ASIC2: variants seen among roughly 807,000 people sequenced by gnomAD.
ASIC2 encodes the protein acid-sensing ion channel 2.
Under a neutral mutation model 57.3 loss-of-function variants are expected in ASIC2, and 25 were observed. The ratio of observed to expected loss-of-function variants is 0.44; its 90% CI spans 0.32 to 0.61. The LOEUF (loss-of-function observed/expected upper bound fraction) is 0.61, where lower values mean the gene tolerates loss of function less well. Ranked by LOEUF, ASIC2 falls within the 20% of genes least tolerant of loss-of-function variation. The pLI, the probability that ASIC2 is intolerant of heterozygous loss-of-function variation, is 0.06. For synonymous variants in ASIC2, 319 were observed against 307.5 expected (o/e 1.04, Z -0.39); for missense variants, 641 against 738.1 (o/e 0.87, Z 1.52).
intron 1 of ASIC2, among the ~76,000 whole-genome samples, chr17:34,141,977 G>A (rs2142136843): frequency 6.6e-6 from 1 of 152,268 alleles, no homozygotes; most frequent in South Asian, 2.1e-4. Flanking sequence ...TGAGCTCCCA[G>A]GAGTTTGCAG....
chr17:33,456,565 A>C (rs1250437745), intron 1 of ASIC2, among the ~76,000 whole-genome samples: 2 of 152,218 alleles, frequency 1.3e-5, no homozygotes, highest in East Asian at 3.9e-4. Flanking sequence ...CTGGGTTTTC[A>C]TTGTGTGGAG....
In ASIC2 at chr17:33,536,466, A is replaced by G. The variant is rs140337536; in HGVS notation, c.556-424399T>C. On this transcript the variant is annotated intron_variant, in intron 1 of 9. Transcript: ENST00000359872. ...GGTATTTGCACTATGGAAATTGACA[A>G]ATGCTACAAAATAAGGTCACCCTGC... 2.2e-3 allele frequency among the ~76,000 whole-genome samples: 342 copies of G among 152,346 alleles called. 1 individual carries two copies. The highest frequency in any genetic ancestry group is 3.9e-3 in the Non-Finnish European group (268 of 68,034).
intron 1 of ASIC2, among the ~76,000 whole-genome samples, chr17:33,324,897 C>G (rs1322090041): frequency 2.0e-5 from 3 of 152,146 alleles, no homozygotes; most frequent in African/African-American, 7.2e-5. Flanking sequence ...AGAGAACCAC[C>G]CTGAAAAGAG....
At chr17:33,079,124 T>A (rs1208665513) in intron 3 of ASIC2, among the ~76,000 whole-genome samples, 2 of 152,214 alleles carry the variant, frequency 1.3e-5, no homozygotes, top group Non-Finnish European at 2.9e-5. Context: ...GTTCATTTCA[T>A]CCAATGCAAT....
intron 1 of ASIC2, among the ~76,000 whole-genome samples, chr17:33,562,275 A>C (rs1012510256): frequency 2.0e-5 from 3 of 151,884 alleles, no homozygotes; most frequent in Non-Finnish European, 4.4e-5. Context: ...TTCCCAATAC[A>C]GTAGAAGCTT....
Position 33,904,163 on chromosome 17 carries a change from CA to C in ASIC2, c.555+251814del, listed in dbSNP as rs769795292. ...GGGCAACAAGAGTGAAACTCCGTCT[CA>C]AAAAAAAAAAAAAAAAAAAAAAAGA... On this transcript the variant is annotated intron_variant, in intron 1 of 9. Coordinates refer to the ASIC2 transcript ENST00000359872. 4.8e-3 allele frequency among the ~76,000 whole-genome samples: 270 copies of C among 55,846 alleles called. 1 individual carries two copies. The highest frequency in any genetic ancestry group is 0.015 in the African/African-American group (203 of 13,618). The allele number at this position is 55,846 out of a possible 152,430, so 36.6% of individuals were successfully genotyped here.
intron 1 of ASIC2, among the ~76,000 whole-genome samples, chr17:34,056,881 C>T (rs544752868): frequency 6.6e-6 from 1 of 152,262 alleles, no homozygotes; most frequent in South Asian, 2.1e-4. Context: ...TTAAACAACC[C>T]ATTCGTGTGA....
intron 3 of ASIC2, among the ~76,000 whole-genome samples, chr17:33,063,911 G>A (rs572683633): frequency 2.6e-5 from 4 of 151,968 alleles, no homozygotes; most frequent in African/African-American, 7.2e-5. Flanking sequence ...TCATTCATTC[G>A]ATCTTCAATC....
At chr17:33,250,618 G>C (rs1237368850) in intron 1 of ASIC2, among the ~76,000 whole-genome samples, 4 of 152,214 alleles carry the variant, frequency 2.6e-5, no homozygotes, top group African/African-American at 4.8e-5. Context: ...TGAGTGGTTT[G>C]AACCACATTG....
At chr17:33,319,816 G>A (rs1208935279) in intron 1 of ASIC2, among the ~76,000 whole-genome samples, 1 of 152,202 alleles carries the variant, frequency 6.6e-6, no homozygotes, top group African/African-American at 2.4e-5. Context: ...TTAGAGGCAT[G>A]AGCCACTGTG....
chr17:33,480,255 G>A (rs1913359679), intron 1 of ASIC2, among the ~76,000 whole-genome samples: 1 of 152,096 alleles, frequency 6.6e-6, no homozygotes, highest in South Asian at 2.1e-4. Flanking sequence ...GGGGGAGACA[G>A]ACACTAAATA....
chr17:33,521,736 G>A (rs1914748205), intron 1 of ASIC2, among the ~76,000 whole-genome samples: 1 of 152,194 alleles, frequency 6.6e-6, no homozygotes, highest in Non-Finnish European at 1.5e-5. Context: ...GGCACTGCTA[G>A]GACTGGAGCC....
At chr17:33,166,789 G>T (rs1307986041) in intron 1 of ASIC2, among the ~76,000 whole-genome samples, 1 of 152,216 alleles carries the variant, frequency 6.6e-6, no homozygotes, top group African/African-American at 2.4e-5. Context: ...ATTGCATAAA[G>T]GCTGGCTTTG....
intron 1 of ASIC2, among the ~76,000 whole-genome samples, chr17:33,803,729 C>A (rs1328628007): frequency 6.6e-6 from 1 of 151,998 alleles, no homozygotes; most frequent in Admixed American, 6.6e-5. Flanking sequence ...AGACAAGCCC[C>A]ACAAGATAAA....
intron 1 of ASIC2, among the ~76,000 whole-genome samples, chr17:33,917,905 C>T (rs1915621265): frequency 6.7e-6 from 1 of 150,068 alleles, no homozygotes; most frequent in East Asian, 2.0e-4. Context: ...CACACACACA[C>T]ACACACACAG....
At chr17:33,989,672 CT>C (rs936318049) in intron 1 of ASIC2, among the ~76,000 whole-genome samples, 35 of 152,310 alleles carry the variant, frequency 2.3e-4, no homozygotes, top group African/African-American at 7.9e-4. Context: ...ATTAAAATCC[CT>C]AGCCCATTAC....
chr17:34,023,335 T>G (rs1907253241), intron 1 of ASIC2, among the ~76,000 whole-genome samples: 1 of 151,122 alleles, frequency 6.6e-6, no homozygotes, highest in Non-Finnish European at 1.5e-5. Flanking sequence ...TGATACTTTC[T>G]GCAGTTCTCT....
chr17:33,301,262 A>C (rs1905949893), intron 1 of ASIC2, among the ~76,000 whole-genome samples: 1 of 150,194 alleles, frequency 6.7e-6, no homozygotes, highest in South Asian at 2.1e-4. Context: ...GCTGGTCTTG[A>C]ACTCCTGAGT....
At chr17:33,346,886 C>G (rs995035896) in intron 1 of ASIC2, among the ~76,000 whole-genome samples, 2 of 152,064 alleles carry the variant, frequency 1.3e-5, no homozygotes, top group African/African-American at 2.4e-5. Flanking sequence ...GTCACCAAAG[C>G]CTAGAGCGGA....
Sources: allele counts gnomAD v4.1 joint callset (sites outside exome capture counted in the v4.1 genomes callset), GRCh38; gene constraint gnomAD v4.1.1; transcripts MANE v1.5; gene names NCBI Gene and HGNC (gene_info 2026-07-23, HGNC 2026-07-21).